CD59: variants seen among roughly 807,000 people sequenced by gnomAD.
CD59 encodes the protein CD59 molecule (CD59 blood group), also known as CD59 glycoprotein.
A neutral mutation model predicts 7.0 loss-of-function variants in CD59; 3 were observed. That is an observed-to-expected ratio of 0.43 (90% CI 0.19 to 1.10). The LOEUF (loss-of-function observed/expected upper bound fraction) is 1.10, where lower values mean the gene tolerates loss of function less well. Among genes scored for constraint, CD59 ranks in the 50% least tolerant of loss-of-function variants. CD59 has a pLI of 0.29. For missense variants in CD59, 143 were observed against 151.0 expected (o/e 0.95, Z 0.28); for synonymous variants, 60 against 62.0 (o/e 0.97, Z 0.15).
intron 1 of CD59, among the ~76,000 whole-genome samples, chr11:33,734,491 C>G (rs558896146): frequency 2.0e-5 from 3 of 152,284 alleles, no homozygotes; most frequent in African/African-American, 7.2e-5. Flanking sequence ...TGCCGACAGG[C>G]GCCAGTGTGT....
chr11:33,734,670 G>A (rs1469723628), intron 1 of CD59, among the ~76,000 whole-genome samples: 3 of 152,206 alleles, frequency 2.0e-5, no homozygotes, highest in Non-Finnish European at 4.4e-5. Flanking sequence ...CCGCACTCAC[G>A]GCCCCTCCCG....
chr11:33,729,846 C>T (rs1854362827), intron 1 of CD59, among the ~76,000 whole-genome samples: 1 of 152,086 alleles, frequency 6.6e-6, no homozygotes, highest in Admixed American at 6.5e-5. Flanking sequence ...AAAACCCCAA[C>T]CGGCCCCCCA....
chr11:33,729,848 G>A (rs1056215129), intron 1 of CD59, among the ~76,000 whole-genome samples: 5 of 151,738 alleles, frequency 3.3e-5, no homozygotes, highest in Non-Finnish European at 5.9e-5. Context: ...AACCCCAACC[G>A]GCCCCCCAAA....
rs1853493335 is a variant in CD59 at position 33,710,432 on chromosome 11, C to T, written c.170-89G>A. 13 of 1,058,208 alleles carry T rather than the reference C, an allele frequency of 1.2e-5. No individual in the cohort carries two copies. In the South Asian group the frequency reaches 1.7e-4, roughly 14 times the overall value. 65.6% of individuals were successfully genotyped at this position (1,058,208 alleles called of 1,614,324 possible). On this transcript the variant is annotated intron_variant, in intron 3 of 3. Transcript: ENST00000642928. ...TCCTCAATTCTATTTCGTATGTATC[C>T]TGTGCAAGTAGAGACTTCTAGGCAA...
chr11:33,722,736 G>A (rs1564975929), intron 1 of CD59: 4 of 1,220,524 alleles, frequency 3.3e-6, no homozygotes, highest in East Asian at 9.2e-5. Flanking sequence ...ATGACAATAT[G>A]AGCAAATTGA....
rs1854563334 is a variant in CD59, at chr11:33,736,042, C to A, written c.-19+340G>T. ...TTCCCCCGGCGCAGTTTCTCTGGAC[C>A]GCTAGAGCTTCCCTTGAGACGAAAG... On this transcript the variant is annotated intron_variant, in intron 1 of 3. Transcript: ENST00000642928. The surrounding 1 kb of genome is among the most constrained non-coding windows in gnomAD (Gnocchi z 4.4). 6.6e-6 allele frequency among the ~76,000 whole-genome samples: 1 copy of A among 152,152 alleles called. No individual in the cohort carries two copies. Among genetic ancestry groups the A allele is most frequent in the Admixed American group, 6.5e-5 (1 of 15,280 alleles).
intron 1 of CD59, among the ~76,000 whole-genome samples, chr11:33,732,350 A>G (rs1226303514): frequency 6.6e-6 from 1 of 152,058 alleles, no homozygotes; most frequent in Admixed American, 6.5e-5. Context: ...AGCTTAGGAA[A>G]TCTGGTTGTT....
intron 1 of CD59, among the ~76,000 whole-genome samples, chr11:33,732,290 GGT>G (rs1465093725): frequency 6.6e-6 from 1 of 152,162 alleles, no homozygotes; most frequent in East Asian, 1.9e-4. Flanking sequence ...TGGATTATGG[GGT>G]GGTTTCTAAC....
intron 2 of CD59, chr11:33,718,052 G>A (rs831636): frequency 0.34 from 57,467 of 166,836 alleles, 10,568 homozygotes; most frequent in African/African-American, 0.44. Flanking sequence ...ATTAGTAGAT[G>A]TGTATTATTA....
intron 3 of CD59, chr11:33,711,415 G>C: frequency 1.4e-6 from 1 of 701,574 alleles, no homozygotes; most frequent in African/African-American, 1.7e-5. Context: ...AGGCCAGTGT[G>C]ATGGCTCACA....
At chr11:33,726,233 C>A (rs1854255968) in intron 1 of CD59, among the ~76,000 whole-genome samples, 2 of 152,178 alleles carry the variant, frequency 1.3e-5, no homozygotes, top group South Asian at 4.1e-4. Flanking sequence ...ATACATTCTT[C>A]TTAGCACCGC....
chr11:33,722,755 G>T, intron 1 of CD59: 1 of 1,150,620 alleles, frequency 8.7e-7, no homozygotes, highest in Non-Finnish European at 1.1e-6. Context: ...GACTCATATA[G>T]CCACTGTGGT....
In CD59 at chr11:33,706,120, C is replaced by A. The variant is rs1853298253; in HGVS notation, c.*4006G>T. The A allele has an allele frequency of 6.6e-6, 1 of 151,886 alleles. No individual in the cohort carries two copies. The highest frequency in any genetic ancestry group is 2.1e-4 in the South Asian group (1 of 4,794). The allele number at this position is 151,886 out of a possible 1,614,324, so 9.4% of individuals were successfully genotyped here. A position where few individuals can be genotyped will look rare whatever the true frequency, so the allele number is the denominator to read the frequency against. On this transcript the variant is annotated 3_prime_UTR_variant, in exon 4 of 4. Transcript: ENST00000642928. Reference sequence around the variant, plus strand: ...CTGCTGGGTGCATGCTACCCCCCTCCTCTCCCAGAGGCTCTGGACCTACAC... The same window carrying A: ...CTGCTGGGTGCATGCTACCCCCCTCATCTCCCAGAGGCTCTGGACCTACAC...
intron 3 of CD59, among the ~76,000 whole-genome samples, chr11:33,713,050 T>C (rs1466837106): frequency 6.6e-6 from 1 of 152,196 alleles, no homozygotes; most frequent in African/African-American, 2.4e-5. Flanking sequence ...ACTGGAAAAG[T>C]TTCTACAAAA....
chr11:33,711,534 C>T (rs1295333222), intron 3 of CD59: 3 of 629,614 alleles, frequency 4.8e-6, no homozygotes, highest in Non-Finnish European at 5.6e-6. Context: ...AAAAAATTAG[C>T]CAGGCAGGGT....
chr11:33,731,135 T>C (rs543195883), intron 1 of CD59, among the ~76,000 whole-genome samples: 4 of 152,310 alleles, frequency 2.6e-5, no homozygotes, highest in African/African-American at 7.2e-5. Context: ...AGTAGGCTAT[T>C]AGTAATTAAG....
In CD59 at chr11:33,705,337, A is replaced by C. The variant is rs1853267588; in HGVS notation, c.*4789T>G. 3 of 152,380 alleles carry C rather than the reference A, an allele frequency of 2.0e-5. No homozygotes were observed. The South Asian group carries it at 6.2e-4, about 32-fold the overall frequency. 9.4% of individuals were successfully genotyped at this position (152,380 alleles called of 1,614,324 possible). A position where few individuals can be genotyped will look rare whatever the true frequency, so the allele number is the denominator to read the frequency against. ...CTTTGAGACAGCTCATGTAATGGAA[A>C]GCTCTTAAGAACTAGGTTTAGAAGG... is the stretch of plus-strand genomic sequence containing the variant. On this transcript the variant is annotated 3_prime_UTR_variant, in exon 4 of 4. Coordinates refer to ENST00000642928, the MANE Select transcript of CD59 (RefSeq NM_000611.6).
chr11:33,716,055 G>A (rs772775748), intron 3 of CD59, among the ~76,000 whole-genome samples: 4 of 152,148 alleles, frequency 2.6e-5, no homozygotes, highest in Non-Finnish European at 5.9e-5. Flanking sequence ...TCTCGCTAGG[G>A]GCCTTACTAC....
chr11:33,723,078 G>A (rs1854142971), intron 1 of CD59: 1 of 493,238 alleles, frequency 2.0e-6, no homozygotes, highest in African/African-American at 2.1e-5. Context: ...AGCCTGAAAT[G>A]CCTCCAACCC....
Sources: gnomAD v4.1 joint callset for allele counts (sites outside exome capture counted in the v4.1 genomes callset) on GRCh38, gnomAD v4.1.1 for gene constraint, Gnocchi (gnomAD v3.1) non-coding constraint, MANE v1.5 for transcripts, NCBI Gene and HGNC (gene_info 2026-07-23, HGNC 2026-07-21) for gene names.